Variants in NRG1 observed in about 807,000 individuals in gnomAD.
NRG1 encodes the protein neuregulin 1.
Under a neutral mutation model 63.8 loss-of-function variants are expected in NRG1, and 18 were observed. That is an observed-to-expected ratio of 0.28 (90% confidence interval 0.19 to 0.42). NRG1 has a LOEUF of 0.42. NRG1 is among the 10% of genes least tolerant of loss of function. The pLI is 1.00. For missense variants in NRG1, 762 were observed against 814.7 expected, an observed-to-expected ratio of 0.94 and a Z score of 0.79; for synonymous variants, 302 against 301.3, an observed-to-expected ratio of 1.00 and a Z score of -0.02.
intron 1 of NRG1, among the ~76,000 whole-genome samples, chr8:32,408,234 G>T (rs1167418751): frequency 6.6e-6 from 1 of 152,156 alleles, no homozygotes; most frequent in African/African-American, 2.4e-5. Flanking sequence ...CATTCTCAGG[G>T]TGATGAGCAT....
chr8:32,003,938 A>G (rs1235108047), intron 1 of NRG1, among the ~76,000 whole-genome samples: 1 of 151,940 alleles, frequency 6.6e-6, no homozygotes, highest in East Asian at 1.9e-4. Flanking sequence ...AAAATATAAA[A>G]TATTATTTAA....
At chr8:32,376,518 TC>T (rs1207378653) in intron 1 of NRG1, among the ~76,000 whole-genome samples, 4 of 152,306 alleles carry the variant, frequency 2.6e-5, no homozygotes, top group Admixed American at 6.5e-5. Flanking sequence ...ATAAGAGTCT[TC>T]CCAGAGGTTA....
At chr8:31,800,433 G>C (rs1821650210) in intron 1 of NRG1, among the ~76,000 whole-genome samples, 1 of 152,172 alleles carries the variant, frequency 6.6e-6, no homozygotes, top group African/African-American at 2.4e-5. Flanking sequence ...GTGCTTGAGT[G>C]TTTTTAAAGC....
intron 1 of NRG1, among the ~76,000 whole-genome samples, chr8:32,487,111 A>T: frequency 6.6e-6 from 1 of 151,896 alleles, no homozygotes; most frequent in East Asian, 1.9e-4. Flanking sequence ...TTGGCAAAGC[A>T]AAATCTCATC....
intron 1 of NRG1, among the ~76,000 whole-genome samples, chr8:32,521,426 G>A (rs1830333960): frequency 6.6e-6 from 1 of 152,168 alleles, no homozygotes. Context: ...TGGAGATCAT[G>A]GAACTGGCTC....
rs116410920 is a variant in NRG1 at position 32,359,017 on chromosome 8, T to C, written c.38-236811T>C. On this transcript the variant is annotated intron_variant, in intron 1 of 10. Coordinates refer to the NRG1 transcript ENST00000519301. ...TGTAGATAACCAAAGGAAGAAACGA[T>C]TGATGCAAGATTTCAGGGAGGGTGA... Among the ~76,000 whole-genome samples the C allele has an allele frequency of 2.2e-3, 328 of 152,272 alleles. 2 individuals carry two copies. Among genetic ancestry groups the C allele is most frequent in the African/African-American group, 7.7e-3 (322 of 41,558 alleles).
chr8:32,321,885 C>T (rs1399422166), intron 1 of NRG1, among the ~76,000 whole-genome samples: 1 of 151,626 alleles, frequency 6.6e-6, no homozygotes, highest in Non-Finnish European at 1.5e-5. Context: ...CTAGACCTCA[C>T]TCTCTTAGTC....
chr8:31,756,800 C>A (rs1461303281), intron 1 of NRG1, among the ~76,000 whole-genome samples: 4 of 152,140 alleles, frequency 2.6e-5, no homozygotes, highest in African/African-American at 9.7e-5. Flanking sequence ...GAAGAAGGGT[C>A]ACGCTTAATA....
At chr8:32,029,149 G>T (rs193035414) in intron 1 of NRG1, among the ~76,000 whole-genome samples, 2 of 152,082 alleles carry the variant, frequency 1.3e-5, no homozygotes, top group Non-Finnish European at 2.9e-5. Context: ...TATTATTTGC[G>T]TACCTCATTT....
chr8:31,884,699 A>G (rs1300113138), intron 1 of NRG1, among the ~76,000 whole-genome samples: 2 of 152,170 alleles, frequency 1.3e-5, no homozygotes, highest in Non-Finnish European at 2.9e-5. Context: ...AGTTTATAGC[A>G]TAACAGTTAA....
chr8:32,158,469 ATATC>A (rs1838424668), intron 1 of NRG1, among the ~76,000 whole-genome samples: 2 of 131,988 alleles, frequency 1.5e-5, no homozygotes, highest in Non-Finnish European at 3.3e-5. Context: ...ATATATATAT[ATATC>A]ATGTATATGT....
At chr8:32,229,868 G>A (rs529703924) in intron 1 of NRG1, among the ~76,000 whole-genome samples, 2 of 151,846 alleles carry the variant, frequency 1.3e-5, no homozygotes, top group Admixed American at 6.6e-5. Flanking sequence ...TTACTAGAAC[G>A]CAGAATGTTT....
chr8:32,743,561 CTT>C (rs1200026924), intron 7 of NRG1, among the ~76,000 whole-genome samples: 3 of 64,768 alleles, frequency 4.6e-5, no homozygotes, highest in South Asian at 1.1e-3. Flanking sequence ...ATATATAAAA[CTT>C]AAGGCAAAAC....
chr8:31,970,473 A>G (rs1266430225), intron 1 of NRG1, among the ~76,000 whole-genome samples: 1 of 152,204 alleles, frequency 6.6e-6, no homozygotes, highest in Non-Finnish European at 1.5e-5. Flanking sequence ...CAGTTTGGGA[A>G]GGTAGCCTAG....
At chr8:31,706,560 C>T (rs1003882211) in intron 1 of NRG1, among the ~76,000 whole-genome samples, 5 of 151,856 alleles carry the variant, frequency 3.3e-5, no homozygotes, top group African/African-American at 4.8e-5. Flanking sequence ...GGATAATTTC[C>T]CAGTATTGGA....
intron 1 of NRG1, among the ~76,000 whole-genome samples, chr8:32,095,800 T>G (rs372033228): frequency 1.3e-5 from 2 of 152,194 alleles, no homozygotes; most frequent in East Asian, 1.9e-4. Context: ...ATTTTCATCT[T>G]TTGTTTTTAA....
At chr8:32,594,542 CA>C (rs1397459280) in intron 1 of NRG1, among the ~76,000 whole-genome samples, 1 of 152,190 alleles carries the variant, frequency 6.6e-6, no homozygotes, top group Non-Finnish European at 1.5e-5. Flanking sequence ...CCGTATTACC[CA>C]GTTTCCACAG....
chr8:31,646,486 C>G (rs950022236), intron 1 of NRG1, among the ~76,000 whole-genome samples: 3 of 152,162 alleles, frequency 2.0e-5, no homozygotes, highest in Admixed American at 6.5e-5. Flanking sequence ...GAAGTACTGT[C>G]AGCTTCACTA....
At chr8:32,078,321 T>G (rs1399404166) in intron 1 of NRG1, among the ~76,000 whole-genome samples, 1 of 152,206 alleles carries the variant, frequency 6.6e-6, no homozygotes, top group Non-Finnish European at 1.5e-5. Context: ...GACATGTCTA[T>G]TCCTCCTTCA....
Sources: allele counts gnomAD v4.1 joint callset (sites outside exome capture counted in the v4.1 genomes callset), GRCh38; gene constraint gnomAD v4.1.1; transcripts MANE v1.5; gene names NCBI Gene and HGNC (gene_info 2026-07-23, HGNC 2026-07-21).